Variants in FANCI observed in about 807,000 individuals in gnomAD.
FANCI encodes Fanconi anemia group I protein.
In FANCI, 156 loss-of-function variants were observed where a neutral mutation model predicts 176.1. That is an observed-to-expected ratio of 0.89 (90% confidence interval 0.78 to 1.01). The LOEUF (loss-of-function observed/expected upper bound fraction) is 1.01, where lower values mean the gene tolerates loss of function less well. FANCI is among the 50% of genes least tolerant of loss of function. FANCI has a pLI of 0.00. For synonymous variants in FANCI, 613 were observed against 541.7 expected, an observed-to-expected ratio of 1.13 and a Z score of -1.83; for missense variants, 1,678 against 1,534.1, an observed-to-expected ratio of 1.09 and a Z score of -1.57.
At chr15:89,312,118 A>G (rs982624692) in intron 34 of FANCI, among the ~76,000 whole-genome samples, 1 of 152,200 alleles carries the variant, frequency 6.6e-6, no homozygotes, top group Non-Finnish European at 1.5e-5. Context: ...GGCTTTGCTG[A>G]GTAACGAAAA....
At chr15:89,299,290 G>T (rs1364181244) in intron 24 of FANCI, among the ~76,000 whole-genome samples, 1 of 152,088 alleles carries the variant, frequency 6.6e-6, no homozygotes, top group Non-Finnish European at 1.5e-5. Flanking sequence ...TAAGATCTAG[G>T]TCTATTCCGT....
chr15:89,312,507 GTAAT>G (rs756275313), intron 34 of FANCI, among the ~76,000 whole-genome samples: 1 of 152,236 alleles, frequency 6.6e-6, no homozygotes, highest in African/African-American at 2.4e-5. Flanking sequence ...CATACCCTGT[GTAAT>G]TACCTTCTAA....
chr15:89,278,027 T>C (rs984736319), intron 13 of FANCI, among the ~76,000 whole-genome samples: 1 of 152,208 alleles, frequency 6.6e-6, no homozygotes, highest in East Asian at 1.9e-4. Context: ...TTAAAGACAT[T>C]ATCTTAGAGT....
At chr15:89,247,777 G>A (rs746380308) in intron 2 of FANCI, 46 bp downstream of exon 2, 1 of 1,524,006 alleles carries the variant, frequency 6.6e-7, no homozygotes, top group Non-Finnish European at 9.1e-7. Context: ...TGTCAGGCAT[G>A]ATGACACATT....
intron 2 of FANCI, among the ~76,000 whole-genome samples, chr15:89,253,891 A>C (rs1296730337): frequency 7.0e-6 from 1 of 142,464 alleles, no homozygotes; most frequent in South Asian, 2.2e-4. Context: ...AATATGCTCA[A>C]CTTCACTCAT....
At chr15:89,256,912 G>A (rs370881163) in intron 2 of FANCI, among the ~76,000 whole-genome samples, 77 of 152,050 alleles carry the variant, frequency 5.1e-4, no homozygotes, top group African/African-American at 1.8e-3. Context: ...TTTCTTTTTT[G>A]TTGTTTTTTT....
intron 27 of FANCI, among the ~76,000 whole-genome samples, chr15:89,303,459 A>G (rs1414884003): frequency 6.6e-6 from 1 of 152,070 alleles, no homozygotes; most frequent in Admixed American, 6.5e-5. Flanking sequence ...TGGCTTCTAA[A>G]TGCTAATTCT....
intron 18 of FANCI, among the ~76,000 whole-genome samples, chr15:89,287,536 C>G (rs534096168): frequency 6.6e-6 from 1 of 152,166 alleles, no homozygotes; most frequent in African/African-American, 2.4e-5. Flanking sequence ...TGGAATAGCA[C>G]TTTAAATTTC....
At chr15:89,313,973 T>TTACA (rs1555451178) in intron 35 of FANCI, among the ~76,000 whole-genome samples, 3 of 98,286 alleles carry the variant, frequency 3.1e-5, no homozygotes, top group Non-Finnish European at 6.0e-5. Flanking sequence ...AGATATATAA[T>TTACA]CACACACACA....
Position 89,301,344 on chromosome 15 carries a change from C to G in FANCI, c.2908C>G (p.Leu970Val). Residue 970 changes from leucine (L) to valine (V), a missense_variant, in exon 27 of 38, where the codon CTT (leucine) becomes GTT (valine). Coordinates refer to ENST00000310775, the MANE Select transcript of FANCI (RefSeq NM_001113378.2). ...TTCTCAGAGGTCCTTGTTGAATTTA[C>G]TTAGCAGTCAAGAGGAAGATTTTAA... Reference protein sequence around the residue: ...RQFQRSLLNLLSSQEEDFNSK... With the variant: ...RQFQRSLLNLVSSQEEDFNSK... 1 of 1,613,630 alleles carries G rather than the reference C, an allele frequency of 6.2e-7. No individual in the cohort carries two copies. The highest frequency in any genetic ancestry group is 8.5e-7 in the Non-Finnish European group (1 of 1,179,584).
chr15:89,277,802 A>G (rs1447589206), intron 13 of FANCI, among the ~76,000 whole-genome samples: 1 of 152,174 alleles, frequency 6.6e-6, no homozygotes, highest in Admixed American at 6.5e-5. Flanking sequence ...CTGAGGTTAA[A>G]CAACTTTTCT....
Position 89,274,158 on chromosome 15 carries a change from TA to T in FANCI, c.976-9del, listed in dbSNP as rs2053316657. The T allele has an allele frequency of 6.5e-7, 1 of 1,534,664 alleles. No homozygotes were observed. Among genetic ancestry groups the T allele is most frequent in the Non-Finnish European group, 8.8e-7 (1 of 1,134,538 alleles). On this transcript the variant is annotated splice_polypyrimidine_tract_variant and intron_variant, in intron 11 of 37. Coordinates refer to ENST00000310775, the MANE Select transcript of FANCI (RefSeq NM_001113378.2). ...TATTTTTTCATTTATTTTTATTAACTATACTCAAGGTGCTTGATCTTTTAAA... is the reference window on the plus strand; with the variant it reads ...TATTTTTTCATTTATTTTTATTAACTTACTCAAGGTGCTTGATCTTTTAAA...
At position 89,305,371 on chromosome 15, in the gene FANCI, G is replaced by C; in HGVS notation, c.3217G>C (p.Ala1073Pro). ...AGAGGTGGAGAAAACAAACCACTTTGCAATAGTGAATTTGAGAACGGCTGC... is the reference window on the plus strand; with the variant it reads ...AGAGGTGGAGAAAACAAACCACTTTCCAATAGTGAATTTGAGAACGGCTGC... ...DVEVEKTNHFAIVNLRTAAPT... is the reference protein window; with the variant it reads ...DVEVEKTNHFPIVNLRTAAPT... The change falls in exon 30 of 38, where the codon GCA (alanine) becomes CCA (proline). Residue 1073 changes from alanine (A) to proline (P), a missense_variant. Ala to Pro is a conservative substitution (Grantham distance 27). Coordinates refer to ENST00000310775, the MANE Select transcript of FANCI (RefSeq NM_001113378.2). 2 of 1,614,054 alleles carry C rather than the reference G, an allele frequency of 1.2e-6. No homozygotes were observed. Among genetic ancestry groups the C allele is most frequent in the Non-Finnish European group, 1.7e-6 (2 of 1,180,030 alleles).
intron 18 of FANCI, among the ~76,000 whole-genome samples, chr15:89,288,279 G>T (rs1447338881): frequency 6.6e-6 from 1 of 152,114 alleles, no homozygotes; most frequent in African/African-American, 2.4e-5. Flanking sequence ...CTAAGGATAG[G>T]CAGTCTTAGA....
At chr15:89,277,611 C>CAAAA (rs554395033) in intron 13 of FANCI, among the ~76,000 whole-genome samples, 3 of 48,954 alleles carry the variant, frequency 6.1e-5, no homozygotes, top group Non-Finnish European at 5.3e-5. Context: ...GATCCTATCT[C>CAAAA]AAAAAAAAAA....
intron 3 of FANCI, 156 bp downstream of exon 3, chr15:89,258,932 T>A (rs1401886593): frequency 1.6e-6 from 1 of 641,712 alleles, no homozygotes; most frequent in Non-Finnish European, 2.8e-6. Context: ...TCCTGTCTAG[T>A]GGACTTAAGT....
At chr15:89,256,666 C>T (rs1296105423) in intron 2 of FANCI, among the ~76,000 whole-genome samples, 1 of 152,176 alleles carries the variant, frequency 6.6e-6, no homozygotes, top group Non-Finnish European at 1.5e-5. Flanking sequence ...TGATGCTCCA[C>T]TTGGCATATT....
rs1317074687 is a variant in FANCI, at chr15:89,305,373, A to G, written c.3219A>G (p.Ala1073=). The G allele has an allele frequency of 6.2e-7, 1 of 1,613,920 alleles. No individual in the cohort carries two copies. The highest frequency in any genetic ancestry group is 8.5e-7 in the Non-Finnish European group (1 of 1,180,038). The part of the protein sequence containing the change: ...DVEVEKTNHF[A]IVNLRTAAPT... ...AGGTGGAGAAAACAAACCACTTTGC[A>G]ATAGTGAATTTGAGAACGGCTGCCC... Residue 1073 remains alanine (A), a synonymous_variant, in exon 30 of 38, where the codon GCA becomes GCG. Transcript: ENST00000310775.
Position 89,305,401 on chromosome 15 carries a change from A to G in FANCI, c.3247A>G (p.Thr1083Ala), listed in dbSNP as rs886051513. The G allele has an allele frequency of 6.2e-7, 1 of 1,613,310 alleles. No individual in the cohort carries two copies. Among genetic ancestry groups the G allele is most frequent in the Non-Finnish European group, 8.5e-7 (1 of 1,179,980 alleles). The change falls in exon 30 of 38, where the codon ACT becomes GCT. Residue 1083 changes from threonine to alanine, a missense_variant. By Grantham distance (58) the Thr-to-Ala change is moderately conservative (BLOSUM62 0). Transcript: ENST00000310775. ...AIVNLRTAAP[T>A]VCLLVLSQAE... Reference sequence around the variant, plus strand: ...AGTGAATTTGAGAACGGCTGCCCCCACTGTCTGTGTAAGTGTTGTACCTGA... The same window carrying G: ...AGTGAATTTGAGAACGGCTGCCCCCGCTGTCTGTGTAAGTGTTGTACCTGA...
Sources: gnomAD v4.1 joint callset for allele counts (sites outside exome capture counted in the v4.1 genomes callset) on GRCh38, gnomAD v4.1.1 for gene constraint, MANE v1.5 for transcripts, NCBI Gene and HGNC (gene_info 2026-07-23, HGNC 2026-07-21) for gene names.